GPHN: variants seen among roughly 807,000 people sequenced by gnomAD.
The protein encoded by GPHN is gephyrin.
In GPHN, 17 loss-of-function variants were observed where a neutral mutation model predicts 95.5. That is an observed-to-expected ratio of 0.18 (90% CI 0.12 to 0.27). GPHN has a LOEUF of 0.27. GPHN is among the 10% of genes least tolerant of loss of function. The pLI is 1.00. For missense variants in GPHN, 660 were observed against 978.1 expected (o/e 0.67, Z 4.34); for synonymous variants, 320 against 322.5 (o/e 0.99, Z 0.08).
the GPHN span, chr14:67,691,576 A>G: frequency 4.6e-6 from 1 of 216,190 alleles, no homozygotes. Flanking sequence ...ATTCCAAAGC[A>G]AGAGAAAAAA....
At chr14:66,653,690 T>C (rs1935022053) in intron 1 of GPHN, among the ~76,000 whole-genome samples, 1 of 152,206 alleles carries the variant, frequency 6.6e-6, no homozygotes, top group African/African-American at 2.4e-5. Context: ...ACACCACATG[T>C]AATCTTTTGG....
chr14:66,840,709 A>G (rs1388383265), intron 4 of GPHN, among the ~76,000 whole-genome samples: 2 of 150,544 alleles, frequency 1.3e-5, no homozygotes, highest in South Asian at 2.1e-4. Context: ...AAAAAATACA[A>G]AGATCACTTA....
chr14:66,665,596 A>T (rs905880402), intron 1 of GPHN, among the ~76,000 whole-genome samples: 2 of 152,190 alleles, frequency 1.3e-5, no homozygotes, highest in Non-Finnish European at 2.9e-5. Context: ...AGAGTCAGGA[A>T]ACAACAAGTG....
chr14:67,199,223 A>C, the GPHN span: 1 of 1,606,814 alleles, frequency 6.2e-7, no homozygotes, highest in Non-Finnish European at 8.5e-7. Flanking sequence ...GCCAGCACCA[A>C]GGCTATGACT....
intron 2 of GPHN, among the ~76,000 whole-genome samples, chr14:66,721,951 C>CA (rs35174343): frequency 0.16 from 9,615 of 58,702 alleles, 1,171 homozygotes; most frequent in East Asian, 0.52. Context: ...AACTCTGTCT[C>CA]AAAAAAAAAA....
At chr14:67,193,522 GATATAGATCTATAGAAATATATATCTAT>G in the GPHN span, among the ~76,000 whole-genome samples, 1 of 137,632 alleles carries the variant, frequency 7.3e-6, no homozygotes, top group Non-Finnish European at 1.6e-5. Context: ...TATATATCTA[GATATAGATCTATAGAAATATATATCTAT>G]ATATAGATCT....
At chr14:67,369,739 T>C in the GPHN span, among the ~76,000 whole-genome samples, 2 of 152,142 alleles carry the variant, frequency 1.3e-5, no homozygotes, top group South Asian at 2.1e-4. Context: ...TAAGGGAAAA[T>C]TTATAGCTTT....
chr14:67,081,521 G>A (rs747155086), intron 11 of GPHN, among the ~76,000 whole-genome samples: 4 of 152,134 alleles, frequency 2.6e-5, no homozygotes, highest in Non-Finnish European at 4.4e-5. Context: ...TGTGTAAATT[G>A]TGAAGATTTT....
chr14:66,804,945 C>T (rs1595958964), intron 3 of GPHN, among the ~76,000 whole-genome samples: 2 of 152,282 alleles, frequency 1.3e-5, no homozygotes, highest in East Asian at 3.9e-4. Flanking sequence ...CTCTTTGATT[C>T]TGGTTTGTGT....
chr14:66,509,442 C>T (rs1298879454), intron 1 of GPHN: 2 of 152,366 alleles, frequency 1.3e-5, no homozygotes, highest in African/African-American at 2.4e-5. Context: ...TTCCCTCCCT[C>T]GCGAAAGCCG....
At chr14:67,302,772 A>C in the GPHN span, among the ~76,000 whole-genome samples, 1 of 152,176 alleles carries the variant, frequency 6.6e-6, no homozygotes, top group Non-Finnish European at 1.5e-5. Flanking sequence ...TTTCTGATGT[A>C]TCACTATCAC....
the GPHN span, among the ~76,000 whole-genome samples, chr14:67,624,176 G>T: frequency 6.6e-6 from 1 of 152,148 alleles, no homozygotes. Context: ...GGTAATTTGT[G>T]AATTCTAGCC....
intron 1 of GPHN, among the ~76,000 whole-genome samples, chr14:66,659,475 C>G (rs2065507617): frequency 6.6e-6 from 1 of 151,936 alleles, no homozygotes; most frequent in Admixed American, 6.6e-5. Context: ...TCTTCTGTAT[C>G]TTTGTTGATT....
the GPHN span, chr14:67,198,195 A>T: frequency 3.1e-6 from 5 of 1,613,698 alleles, no homozygotes; most frequent in Middle Eastern, 1.6e-4. Context: ...TACCATGAGG[A>T]TCAATAAGCA....
chr14:67,487,491 C>T, the GPHN span, among the ~76,000 whole-genome samples: 1 of 152,188 alleles, frequency 6.6e-6, no homozygotes, highest in Non-Finnish European at 1.5e-5. Flanking sequence ...TCTCATTCAG[C>T]TTCAAATTAC....
the GPHN span, among the ~76,000 whole-genome samples, chr14:67,441,495 A>G: frequency 6.6e-6 from 1 of 152,178 alleles, no homozygotes; most frequent in Non-Finnish European, 1.5e-5. Context: ...CTACTCCCTC[A>G]AACTCAGGCC....
intron 2 of GPHN, among the ~76,000 whole-genome samples, chr14:66,731,742 GTC>G (rs2071782765): frequency 6.6e-6 from 1 of 152,190 alleles, no homozygotes; most frequent in African/African-American, 2.4e-5. Context: ...GGGGAAAAAT[GTC>G]ACCAGGGCAT....
intron 5 of GPHN, among the ~76,000 whole-genome samples, chr14:66,910,031 C>CA (rs1450443851): frequency 6.6e-6 from 1 of 151,812 alleles, no homozygotes; most frequent in Non-Finnish European, 1.5e-5. Flanking sequence ...CTCATTTCAT[C>CA]AAAATGGATT....
intron 1 of GPHN, among the ~76,000 whole-genome samples, chr14:66,522,385 A>G (rs1450043521): frequency 6.6e-6 from 1 of 152,136 alleles, no homozygotes; most frequent in African/African-American, 2.4e-5. Flanking sequence ...TATAGTATGT[A>G]TTATATGAAA....
Sources: allele counts gnomAD v4.1 joint callset (sites outside exome capture counted in the v4.1 genomes callset), GRCh38; gene constraint gnomAD v4.1.1; transcripts MANE v1.5; gene names NCBI Gene and HGNC (gene_info 2026-07-23, HGNC 2026-07-21).